TSPAN3: variants seen among roughly 807,000 people sequenced by gnomAD.
TSPAN3 encodes the protein tetraspanin 3.
TSPAN3 carries 9 observed loss-of-function variants against 31.1 expected under a neutral mutation model. The observed-to-expected ratio is 0.29, with a 90% CI of 0.17 to 0.50. The LOEUF (loss-of-function observed/expected upper bound fraction) is 0.50. TSPAN3 is among the 20% of genes least tolerant of loss of function. TSPAN3 has a pLI of 0.98. For missense variants in TSPAN3, 252 were observed against 313.5 expected, an observed-to-expected ratio of 0.80 and a Z score of 1.48; for synonymous variants, 129 against 114.3, an observed-to-expected ratio of 1.13 and a Z score of -0.82.
At chr15:77,069,744 G>A (rs894827996) in intron 1 of TSPAN3, 1 of 152,370 alleles carries the variant, frequency 6.6e-6, no homozygotes, top group African/African-American at 2.4e-5. Flanking sequence ...TCCAGAACAG[G>A]TGTGCGTATG....
intron 1 of TSPAN3, among the ~76,000 whole-genome samples, chr15:77,070,280 C>A (rs1172974857): frequency 6.6e-6 from 1 of 152,188 alleles, no homozygotes; most frequent in Non-Finnish European, 1.5e-5. Context: ...AGTTTGGTCA[C>A]CCCCATGACC....
Position 77,044,467 on chromosome 15 carries a change from A to T in TSPAN3, c.*2368T>A, listed in dbSNP as rs1270651989. On this transcript the variant is annotated 3_prime_UTR_variant, in exon 7 of 7. Transcript: ENST00000267970. ...AAGGCATTTCCAGGACAACTGTGCCAGGAATTAAACACAAGTTAAAACTGG... is the reference window on the plus strand; with the variant it reads ...AAGGCATTTCCAGGACAACTGTGCCTGGAATTAAACACAAGTTAAAACTGG... 6.6e-6 allele frequency: 1 copy of T among 152,284 alleles called. No homozygotes were observed. Among genetic ancestry groups the T allele is most frequent in the Non-Finnish European group, 1.5e-5 (1 of 68,068 alleles). 9.4% of individuals were successfully genotyped at this position (152,284 alleles called of 1,614,324 possible). A position where few individuals can be genotyped will look rare whatever the true frequency, so the allele number is the denominator to read the frequency against.
intron 1 of TSPAN3, chr15:77,064,034 T>C (rs1203763366): frequency 6.6e-6 from 1 of 152,216 alleles, no homozygotes; most frequent in Non-Finnish European, 1.5e-5. Context: ...GCAACAACAA[T>C]GTAAGTTACA....
intron 1 of TSPAN3, among the ~76,000 whole-genome samples, chr15:77,058,820 T>G (rs921589106): frequency 3.5e-4 from 53 of 152,364 alleles, no homozygotes; most frequent in African/African-American, 1.3e-3. Context: ...AGTTCAATGC[T>G]TATAGCTTTT....
chr15:77,042,870 G>A lies in TSPAN3; in HGVS notation c.*3965C>T, dbSNP rs1486441407. The A allele has an allele frequency of 6.6e-6, 1 of 152,020 alleles. No homozygotes were observed. Among genetic ancestry groups the A allele is most frequent in the Non-Finnish European group, 1.5e-5 (1 of 68,002 alleles). 9.4% of individuals were successfully genotyped at this position (152,020 alleles called of 1,614,324 possible). ...ACAGTAACCATGCTATGGAGAAAGT[G>A]GACACACCTCGACTAGGTGTGCCAG... On this transcript the variant is annotated 3_prime_UTR_variant, in exon 7 of 7. Transcript: ENST00000267970.
rs1425569843 is a variant in TSPAN3 at position 77,042,821 on chromosome 15, T to G, written c.*4014A>C. On this transcript the variant is annotated 3_prime_UTR_variant, in exon 7 of 7. Transcript: ENST00000267970. Reference sequence around the variant, plus strand: ...ATGGAGACAGTGTGTCTCCAGAGATTTCTTATTAGTTGAAAAGAAAAAAAC... The same window carrying G: ...ATGGAGACAGTGTGTCTCCAGAGATGTCTTATTAGTTGAAAAGAAAAAAAC... The G allele has an allele frequency of 6.6e-6, 1 of 152,020 alleles. No homozygotes were observed. The highest frequency in any genetic ancestry group is 2.4e-5 in the African/African-American group (1 of 41,366). The allele number at this position is 152,020 out of a possible 1,614,324, so 9.4% of individuals were successfully genotyped here. A position where few individuals can be genotyped will look rare whatever the true frequency, so the allele number is the denominator to read the frequency against.
At chr15:77,051,597 C>T (rs796457059) in intron 6 of TSPAN3, among the ~76,000 whole-genome samples, 14 of 151,648 alleles carry the variant, frequency 9.2e-5, no homozygotes, top group African/African-American at 3.4e-4. Context: ...GCCTGTAAAT[C>T]CCAACACTTT....
intron 1 of TSPAN3, among the ~76,000 whole-genome samples, chr15:77,069,296 G>A (rs1267067184): frequency 6.6e-6 from 1 of 152,222 alleles, no homozygotes; most frequent in African/African-American, 2.4e-5. Flanking sequence ...TAGGTATATA[G>A]ATACGTATTA....
Position 77,041,790 on chromosome 15 carries a change from T to C in TSPAN3, c.*5045A>G, listed in dbSNP as rs188691296. On this transcript the variant is annotated 3_prime_UTR_variant, in exon 7 of 7. Coordinates refer to ENST00000267970, the MANE Select transcript of TSPAN3 (RefSeq NM_005724.6). ...GTGATGAAAGTGCTTTGAAACTAGATACAGGCAGTGGTTCTATAGCATGGT... is the reference window on the plus strand; with the variant it reads ...GTGATGAAAGTGCTTTGAAACTAGACACAGGCAGTGGTTCTATAGCATGGT... 4.6e-5 allele frequency: 7 copies of C among 152,336 alleles called. No homozygotes were observed. In the East Asian group the frequency reaches 1.3e-3, roughly 29 times the overall value. 9.4% of individuals were successfully genotyped at this position (152,336 alleles called of 1,614,324 possible).
chr15:77,063,451 G>C (rs2076812284), intron 1 of TSPAN3: 1 of 151,790 alleles, frequency 6.6e-6, no homozygotes, highest in Non-Finnish European at 1.5e-5. Flanking sequence ...TCCCTCAGGG[G>C]ATCCTCTCAT....
At chr15:77,060,324 TGG>T (rs2076793482) in intron 1 of TSPAN3, among the ~76,000 whole-genome samples, 2 of 152,254 alleles carry the variant, frequency 1.3e-5, no homozygotes, top group Non-Finnish European at 2.9e-5. Flanking sequence ...AATCTGTATA[TGG>T]TGCTTATATC....
chr15:77,059,716 G>A lies in TSPAN3; in HGVS notation c.64-3461C>T, dbSNP rs146578026. ...TTTCTGAGCTTTCGGTACACCTACT[G>A]AAACTTCACTAGCTTTAGCCTATGT... On this transcript the variant is annotated intron_variant, in intron 1 of 6. Transcript: ENST00000267970. Among the ~76,000 whole-genome samples the A allele has an allele frequency of 4.9e-3, 742 of 152,296 alleles. 6 individuals are homozygous for A. Among genetic ancestry groups the A allele is most frequent in the African/African-American group, 0.017 (694 of 41,550 alleles).
chr15:77,054,413 C>T, intron 3 of TSPAN3, 134 bp from the exon 4 acceptor site: 1 of 605,878 alleles, frequency 1.7e-6, no homozygotes, highest in Non-Finnish European at 2.9e-6. Flanking sequence ...AAGTTTTCTC[C>T]CTTCCTGCCT....
chr15:77,048,084 ATT>A (rs756929428), intron 6 of TSPAN3, among the ~76,000 whole-genome samples: 11 of 152,198 alleles, frequency 7.2e-5, no homozygotes, highest in Non-Finnish European at 1.5e-4. Flanking sequence ...CAGTTTCACT[ATT>A]TCACCACTTG....
At position 77,044,087 on chromosome 15, in the gene TSPAN3, T is replaced by G. The variant is rs2076675259; in HGVS notation, c.*2748A>C. 1 of 152,176 alleles carries G rather than the reference T, an allele frequency of 6.6e-6. No individual in the cohort carries two copies. Among genetic ancestry groups the G allele is most frequent in the Admixed American group, 6.5e-5 (1 of 15,284 alleles). 9.4% of individuals were successfully genotyped at this position (152,176 alleles called of 1,614,324 possible). On this transcript the variant is annotated 3_prime_UTR_variant, in exon 7 of 7. Transcript: ENST00000267970. ...GCTTTGAAATCATTTCCAAGTAAAA[T>G]TAACTTTTTTAAAAGAGGCCATACA...
chr15:77,052,712 G>A lies in TSPAN3; in HGVS notation c.585+65C>T, dbSNP rs916962261. Reference sequence around the variant, plus strand: ...AGGTGGCAGAAAAGAAGTCCCAGATGGTGATAAGACATGGTGAAAAACAGG... The same window carrying A: ...AGGTGGCAGAAAAGAAGTCCCAGATAGTGATAAGACATGGTGAAAAACAGG... On this transcript the variant is annotated intron_variant, in intron 5 of 6. Coordinates refer to ENST00000267970, the MANE Select transcript of TSPAN3 (RefSeq NM_005724.6). 2.6e-6 allele frequency: 4 copies of A among 1,556,058 alleles called. No individual in the cohort carries two copies. The East Asian group carries it at 6.8e-5, about 26-fold the overall frequency.
At position 77,046,898 on chromosome 15, in the gene TSPAN3, C is replaced by G. The variant is rs997078456; in HGVS notation, c.699G>C (p.Val233=). 1 of 1,588,594 alleles carries G rather than the reference C, an allele frequency of 6.3e-7. No individual in the cohort carries two copies. Among genetic ancestry groups the G allele is most frequent in the Non-Finnish European group, 8.6e-7 (1 of 1,164,618 alleles). ...CAGGATCTCTACTCCTTCTGCACAA[C>G]ACGATGCAAGCACACAGCATGCCCA... is the stretch of plus-strand genomic sequence containing the variant. ...QLLGMLCACI[V]LCRRSRDPAY... is the part of the protein sequence containing the mutation. The change falls in exon 7 of 7, where the codon GTG becomes GTC. Residue 233 remains valine (V), a synonymous_variant. Coordinates refer to ENST00000267970, the MANE Select transcript of TSPAN3 (RefSeq NM_005724.6).
Position 77,055,857 on chromosome 15 carries a change from T to C in TSPAN3, c.262A>G (p.Ile88Val), listed in dbSNP as rs778024681. ...ESRCGLATFV[I>V]ILLLVFVTEV... ...GTGACAAAAACCAAGAGCAGGATGATGACAAACTGTAAGAAAACATGGTTT... is the reference window on the plus strand; with the variant it reads ...GTGACAAAAACCAAGAGCAGGATGACGACAAACTGTAAGAAAACATGGTTT... The change falls in exon 3 of 7, where the codon ATC (isoleucine) becomes GTC (valine). Residue 88 changes from isoleucine to valine, a missense_variant. Coordinates refer to ENST00000267970, the MANE Select transcript of TSPAN3 (RefSeq NM_005724.6). The C allele has an allele frequency of 5.6e-6, 9 of 1,607,680 alleles. No individual in the cohort carries two copies. Among genetic ancestry groups the C allele is most frequent in the Admixed American group, 1.7e-5 (1 of 58,228 alleles).
At chr15:77,070,149 C>G (rs1292789150) in intron 1 of TSPAN3, 1 of 152,166 alleles carries the variant, frequency 6.6e-6, no homozygotes, top group Admixed American at 6.5e-5. Context: ...CATAAACATT[C>G]CTTTCAAAGA....
Sources: gnomAD v4.1 joint callset for allele counts (sites outside exome capture counted in the v4.1 genomes callset) on GRCh38, gnomAD v4.1.1 for gene constraint, MANE v1.5 for transcripts, NCBI Gene and HGNC (gene_info 2026-07-23, HGNC 2026-07-21) for gene names.